DNAH14: variants seen among roughly 807,000 people sequenced by gnomAD.
The protein encoded by DNAH14 is dynein axonemal heavy chain 14.
A neutral mutation model predicts 520.9 loss-of-function variants in DNAH14; 478 were observed. The ratio of observed to expected loss-of-function variants is 0.92; its 90% CI spans 0.85 to 0.99. DNAH14 has a LOEUF of 0.99. DNAH14 is among the 50% of genes least tolerant of loss of function. The pLI is 0.00. For missense variants in DNAH14, 4,831 were observed against 5,234.5 expected (o/e 0.92, Z 2.38); for synonymous variants, 1,581 against 1,757.2 (o/e 0.90, Z 2.51).
intron 1 of DNAH14, among the ~76,000 whole-genome samples, chr1:224,947,332 C>T (rs2125454876): frequency 6.6e-6 from 1 of 151,126 alleles, no homozygotes; most frequent in East Asian, 1.9e-4. Flanking sequence ...TACTATTAGA[C>T]TCTCCTTCAT....
In DNAH14 at chr1:225,335,810, T is replaced by C. The variant is rs533377724; in HGVS notation, c.10081-1456T>C. On this transcript the variant is annotated intron_variant, in intron 66 of 85. Coordinates refer to ENST00000682510, the MANE Select transcript of DNAH14 (RefSeq NM_001367479.1). Reference sequence around the variant, plus strand: ...ATAAGTACATCTATGTATATGTACATATATGTACATACACATATGTACATA... The same window carrying C: ...ATAAGTACATCTATGTATATGTACACATATGTACATACACATATGTACATA... Among the ~76,000 whole-genome samples the C allele has an allele frequency of 5.5e-5, 6 of 108,468 alleles. 2 individuals are homozygous for C. Among genetic ancestry groups the C allele is most frequent in the Non-Finnish European group, 1.1e-4 (6 of 53,826 alleles). The allele number at this position is 108,468 out of a possible 152,430, so 71.2% of individuals were successfully genotyped here.
At chr1:225,126,240 ACTTG>A (rs2077705028) in intron 27 of DNAH14, among the ~76,000 whole-genome samples, 2 of 152,154 alleles carry the variant, frequency 1.3e-5, no homozygotes, top group African/African-American at 4.8e-5. Context: ...ACACTGATAG[ACTTG>A]CTCAATGCAG....
At chr1:225,358,850 A>G (rs1048609825) in intron 74 of DNAH14, among the ~76,000 whole-genome samples, 198 bp downstream of exon 74, 3 of 152,176 alleles carry the variant, frequency 2.0e-5, no homozygotes, top group African/African-American at 7.2e-5. Flanking sequence ...TGATGATTTT[A>G]TAAGCACCTG....
intron 81 of DNAH14, among the ~76,000 whole-genome samples, chr1:225,382,376 C>A (rs1042843503): frequency 3.9e-5 from 6 of 152,130 alleles, no homozygotes; most frequent in African/African-American, 1.4e-4. Context: ...TTTGACCCAG[C>A]AATTTCACTC....
intron 42 of DNAH14, among the ~76,000 whole-genome samples, chr1:225,239,730 A>G (rs909328884): frequency 6.6e-6 from 1 of 152,216 alleles, no homozygotes. Flanking sequence ...AGAAAAATCA[A>G]TACATAATAA....
chr1:224,955,348 C>T (rs1379839374), intron 3 of DNAH14, among the ~76,000 whole-genome samples: 1 of 152,128 alleles, frequency 6.6e-6, no homozygotes, highest in African/African-American at 2.4e-5. Flanking sequence ...TATGTCTGTA[C>T]CACTTTACAG....
At chr1:225,034,312 A>G (rs892292269) in intron 11 of DNAH14, among the ~76,000 whole-genome samples, 1 of 152,172 alleles carries the variant, frequency 6.6e-6, no homozygotes, top group Non-Finnish European at 1.5e-5. Context: ...ATCTGTTGAG[A>G]TAATCATACA....
chr1:225,089,442 C>CAAAAAAAAAAAAAAAAAAAA (rs1169182387), intron 21 of DNAH14, among the ~76,000 whole-genome samples: 1 of 29,898 alleles, frequency 3.3e-5, no homozygotes, highest in Non-Finnish European at 6.3e-5. Flanking sequence ...AAAACTCCGT[C>CAAAAAAAAAAAAAAAAAAAA]AAAAAAAAAA....
At chr1:225,062,960 A>C (rs1173498915) in intron 17 of DNAH14, among the ~76,000 whole-genome samples, 2 of 152,190 alleles carry the variant, frequency 1.3e-5, no homozygotes, top group African/African-American at 4.8e-5. Flanking sequence ...AAATTACTAA[A>C]TATGCCCAGA....
At chr1:225,388,333 A>G in intron 81 of DNAH14, 46 bp from the exon 82 acceptor site, 2 of 1,265,262 alleles carry the variant, frequency 1.6e-6, no homozygotes, top group African/African-American at 3.0e-5. Context: ...TAATGACCCC[A>G]AAGACAAAGA....
chr1:225,114,550 C>T (rs2076721510), intron 23 of DNAH14, among the ~76,000 whole-genome samples: 1 of 152,160 alleles, frequency 6.6e-6, no homozygotes, highest in South Asian at 2.1e-4. Flanking sequence ...CCCAGCACGG[C>T]ACTAGGACTT....
chr1:225,207,252 T>C, intron 41 of DNAH14, 32 bp downstream of exon 41: 1 of 1,475,174 alleles, frequency 6.8e-7, no homozygotes, highest in Non-Finnish European at 9.0e-7. Context: ...ATATCAATGA[T>C]ATATCTTAGC....
chr1:225,255,709 C>G (rs948258361), intron 44 of DNAH14, among the ~76,000 whole-genome samples: 4 of 152,088 alleles, frequency 2.6e-5, no homozygotes, highest in African/African-American at 9.7e-5. Flanking sequence ...ATTTAATACC[C>G]CTTTAAAGAT....
chr1:224,936,729 A>G (rs2059064187), intron 1 of DNAH14, among the ~76,000 whole-genome samples: 1 of 151,938 alleles, frequency 6.6e-6, no homozygotes, highest in Non-Finnish European at 1.5e-5. Flanking sequence ...CAAGGCTGGC[A>G]TTAACTTGAA....
At chr1:225,249,028 A>G (rs1341191091) in intron 43 of DNAH14, among the ~76,000 whole-genome samples, 2 of 152,156 alleles carry the variant, frequency 1.3e-5, no homozygotes, top group Non-Finnish European at 2.9e-5. Context: ...ACTGGCAAAC[A>G]CCTTCACCTT....
chr1:225,276,406 T>G (rs2093469891), intron 53 of DNAH14, among the ~76,000 whole-genome samples: 1 of 152,160 alleles, frequency 6.6e-6, no homozygotes. Flanking sequence ...TGAAGATAAA[T>G]GCAAAACAGA....
At chr1:225,092,658 GATA>G (rs1431022927) in intron 21 of DNAH14, among the ~76,000 whole-genome samples, 3 of 151,972 alleles carry the variant, frequency 2.0e-5, no homozygotes, top group Non-Finnish European at 4.4e-5. Context: ...GCGAGGAGAA[GATA>G]ATAAATAACC....
intron 55 of DNAH14, among the ~76,000 whole-genome samples, chr1:225,299,664 T>G (rs1464781749): frequency 1.3e-5 from 2 of 152,202 alleles, no homozygotes; most frequent in Non-Finnish European, 2.9e-5. Context: ...AAAGCTGAAA[T>G]GGACATGGCT....
intron 81 of DNAH14, 62 bp from the exon 82 acceptor site, chr1:225,388,317 T>C: frequency 1.0e-6 from 1 of 975,778 alleles, no homozygotes; most frequent in Non-Finnish European, 1.5e-6. Context: ...TTTGCAGAAA[T>C]GTTCCTAATG....
Sources: allele counts gnomAD v4.1 joint callset (sites outside exome capture counted in the v4.1 genomes callset), GRCh38; gene constraint gnomAD v4.1.1; transcripts MANE v1.5; gene names NCBI Gene and HGNC (gene_info 2026-07-23, HGNC 2026-07-21).